The following ADGRL2 variants were observed in gnomAD, a reference collection of about 807,000 sequenced individuals.
ADGRL2 encodes calcium-independent alpha-latrotoxin receptor 2.
ADGRL2 carries 44 observed loss-of-function variants against 157.4 expected under a neutral mutation model. That is an observed-to-expected ratio of 0.28 (90% CI 0.22 to 0.36). The LOEUF is 0.36. ADGRL2 is among the 10% of genes least tolerant of loss of function. ADGRL2 has a pLI of 1.00. For synonymous variants in ADGRL2, 585 were observed against 624.7 expected (o/e 0.94, Z 0.95); for missense variants, 1,510 against 1,768.9 (o/e 0.85, Z 2.63).
intron 1 of ADGRL2, among the ~76,000 whole-genome samples, chr1:81,717,393 T>G (rs1052700913): frequency 2.0e-5 from 3 of 152,178 alleles, no homozygotes; most frequent in Non-Finnish European, 4.4e-5. Context: ...CCATCAAAAT[T>G]CATCTATCAG....
chr1:81,658,914 G>A (rs1447061551), intron 3 of ADGRL2, among the ~76,000 whole-genome samples: 1 of 151,770 alleles, frequency 6.6e-6, no homozygotes, highest in Non-Finnish European at 1.5e-5. Context: ...AACATGCCTG[G>A]CTAATTTTTG....
chr1:81,621,313 C>T (rs1273296795), intron 3 of ADGRL2, among the ~76,000 whole-genome samples: 6 of 152,142 alleles, frequency 3.9e-5, no homozygotes, highest in East Asian at 3.9e-4. Context: ...CCCAGTGTTA[C>T]GACCTCTCTC....
intron 2 of ADGRL2, among the ~76,000 whole-genome samples, chr1:81,857,295 TA>T (rs1399709078): frequency 6.6e-6 from 1 of 152,196 alleles, no homozygotes. Context: ...GGGATATTTC[TA>T]GATGTATATA....
At chr1:81,479,052 TTG>T (rs2147866515) in intron 2 of ADGRL2, among the ~76,000 whole-genome samples, 1 of 152,298 alleles carries the variant, frequency 6.6e-6, no homozygotes, top group Admixed American at 6.5e-5. Context: ...TTATTATATA[TTG>T]TGTTTGAAAG....
intron 1 of ADGRL2, among the ~76,000 whole-genome samples, chr1:81,425,210 T>C (rs531381594): frequency 6.6e-6 from 1 of 152,212 alleles, no homozygotes; most frequent in African/African-American, 2.4e-5. Context: ...ATTATTATAG[T>C]CAGTATATGT....
Position 81,869,889 on chromosome 1 carries a change from T to C in ADGRL2, c.73+32832T>C, listed in dbSNP as rs72941193. ...GTATTCACTTAAGTATTCAGATCTC[T>C]TTATGAGAATTTGTTAGCTATTTGA... On this transcript the variant is annotated intron_variant, in intron 2 of 23. Transcript: ENST00000686636. 1.7e-3 allele frequency among the ~76,000 whole-genome samples: 258 copies of C among 152,180 alleles called. 2 individuals carry two copies. Among genetic ancestry groups the C allele is most frequent in the African/African-American group, 2.6e-3 (107 of 41,554 alleles).
intron 2 of ADGRL2, among the ~76,000 whole-genome samples, chr1:81,566,575 A>G (rs1386272712): frequency 6.6e-6 from 1 of 152,140 alleles, no homozygotes; most frequent in African/African-American, 2.4e-5. Flanking sequence ...TTTACTTGGA[A>G]CTGAAATCAT....
chr1:81,456,921 T>A (rs1482203838), intron 2 of ADGRL2, among the ~76,000 whole-genome samples: 1 of 152,168 alleles, frequency 6.6e-6, no homozygotes, highest in Admixed American at 6.5e-5. Flanking sequence ...GCTTCTACTT[T>A]ATTTTCATGA....
chr1:81,336,392 T>C (rs976640405), intron 1 of ADGRL2, among the ~76,000 whole-genome samples: 2 of 152,152 alleles, frequency 1.3e-5, no homozygotes, highest in African/African-American at 4.8e-5. Flanking sequence ...AGTTTTCTAG[T>C]TTCAAATATT....
In ADGRL2 at chr1:81,990,839, G is replaced by T. The variant is rs1052237300; in HGVS notation, c.4104G>T (p.Glu1368Asp). The part of the protein sequence containing the change: ...TDSYVSQLTA[E>D]AEDHLQSPNR... ...GCTATGTCTCCCAACTGACAGCAGA[G>T]GCTGAAGATCACCTACAGTCCCCCA... Residue 1368 changes from glutamate (E) to aspartate (D), a missense_variant, in exon 24 of 24, where the codon GAG becomes GAT. Physicochemically the swap from Glu to Asp is conservative, Grantham distance 45 (BLOSUM62 2). Around this residue, in one of 4 missense-constraint regions of ADGRL2, gnomAD observed 327 missense variants for 310.1 expected, o/e 1.05. Transcript: ENST00000686636. 5 of 1,613,986 alleles carry T rather than the reference G, an allele frequency of 3.1e-6. No homozygotes were observed. Among genetic ancestry groups the T allele is most frequent in the Non-Finnish European group, 4.2e-6 (5 of 1,180,012 alleles).
chr1:81,795,028 T>G (rs2149432386), intron 2 of ADGRL2, among the ~76,000 whole-genome samples: 1 of 152,234 alleles, frequency 6.6e-6, no homozygotes, highest in South Asian at 2.1e-4. Context: ...AATTTATAGA[T>G]CAGAAGGATC....
chr1:81,874,593 G>T (rs1403682598), intron 2 of ADGRL2, among the ~76,000 whole-genome samples: 1 of 149,848 alleles, frequency 6.7e-6, no homozygotes, highest in East Asian at 2.0e-4. Flanking sequence ...CTTTCTGTCT[G>T]TCTTGTCTTG....
chr1:81,735,312 T>G (rs2084859074), intron 1 of ADGRL2: 1 of 148,844 alleles, frequency 6.7e-6, no homozygotes, highest in South Asian at 2.2e-4. Flanking sequence ...AATAAATTTC[T>G]GTTGTTTTAA....
chr1:81,655,514 G>A (rs982998574), intron 3 of ADGRL2, among the ~76,000 whole-genome samples: 5 of 152,028 alleles, frequency 3.3e-5, no homozygotes, highest in African/African-American at 4.8e-5. Context: ...CTTTCTACAC[G>A]CGTCCTCAAA....
chr1:81,640,559 G>A (rs548121124), intron 3 of ADGRL2, among the ~76,000 whole-genome samples: 148 of 151,972 alleles, frequency 9.7e-4, no homozygotes, highest in African/African-American at 3.3e-3. Context: ...TTGAACCCGG[G>A]AGGCGGAGGT....
chr1:81,856,762 C>T (rs2093217193), intron 2 of ADGRL2, among the ~76,000 whole-genome samples: 1 of 151,224 alleles, frequency 6.6e-6, no homozygotes. Context: ...AGTAATATGC[C>T]AAAACTTAGC....
At chr1:81,842,069 T>C (rs2092603627) in intron 2 of ADGRL2, among the ~76,000 whole-genome samples, 1 of 152,106 alleles carries the variant, frequency 6.6e-6, no homozygotes. Context: ...AGGGTGATGC[T>C]GATGGTGTTG....
upstream of ADGRL2, among the ~76,000 whole-genome samples, chr1:81,797,506 C>T (rs1351032956): frequency 2.0e-5 from 3 of 152,138 alleles, no homozygotes; most frequent in Admixed American, 6.5e-5. Flanking sequence ...AGTGTCTTAG[C>T]TATAGCCATT....
In ADGRL2 at chr1:81,943,248, C is replaced by T. The variant is rs1229743701; in HGVS notation, c.689C>T (p.Thr230Met). 2.5e-6 allele frequency: 4 copies of T among 1,613,444 alleles called. No homozygotes were observed. Among genetic ancestry groups the T allele is most frequent in the Non-Finnish European group, 2.5e-6 (3 of 1,179,654 alleles). ...DGAVFFNKER[T>M]RNIVKFDLRT... ...GCTGTCTTCTTTAACAAAGAAAGAA[C>T]GAGGAATATTGTGAAATTTGACTTG... The change falls in exon 6 of 24, where the codon ACG (threonine) becomes ATG (methionine). Residue 230 changes from threonine (T) to methionine (M), a missense_variant. Around this residue, in one of 4 missense-constraint regions of ADGRL2, gnomAD observed 361 missense variants for 498.4 expected, o/e 0.72. Coordinates refer to ENST00000686636, the MANE Select transcript of ADGRL2 (RefSeq NM_001366006.2). This position sits in a 1 kb window ranked among gnomAD's most constrained non-coding sequence, Gnocchi z 5.6.
Sources: gnomAD v4.1 joint callset for allele counts (sites outside exome capture counted in the v4.1 genomes callset) on GRCh38, gnomAD v4.1.1 for gene constraint, gnomAD v4.1.1 regional missense constraint, Gnocchi (gnomAD v3.1) non-coding constraint, MANE v1.5 for transcripts, NCBI Gene and HGNC (gene_info 2026-07-23, HGNC 2026-07-21) for gene names.